Variants in SGCZ observed in about 807,000 individuals in gnomAD.
SGCZ encodes the protein sarcoglycan zeta.
SGCZ carries 40 observed loss-of-function variants against 41.3 expected under a neutral mutation model. That is an observed-to-expected ratio of 0.97 (90% confidence interval 0.75 to 1.26). The LOEUF is 1.26. Among genes scored for constraint, SGCZ ranks in the 50% most tolerant of loss-of-function variants. SGCZ has a pLI of 0.00. For synonymous variants in SGCZ, 206 were observed against 137.5 expected (o/e 1.50, Z -3.49); for missense variants, 552 against 369.8 (o/e 1.49, Z -4.04).
intron 1 of SGCZ, among the ~76,000 whole-genome samples, chr8:15,199,361 G>A (rs1224977787): frequency 2.6e-5 from 4 of 152,192 alleles, no homozygotes; most frequent in Admixed American, 2.6e-4. Context: ...AACCATTAAA[G>A]TAATTTAATC....
intron 2 of SGCZ, among the ~76,000 whole-genome samples, chr8:14,463,505 G>T (rs1323310986): frequency 6.7e-6 from 1 of 148,756 alleles, no homozygotes; most frequent in Non-Finnish European, 1.5e-5. Flanking sequence ...ATTAATCAAA[G>T]ACCCAAATAT....
intron 1 of SGCZ, among the ~76,000 whole-genome samples, chr8:15,154,540 A>G (rs570901016): frequency 2.0e-5 from 3 of 152,358 alleles, no homozygotes; most frequent in South Asian, 4.1e-4. Context: ...TGTTGAGCAA[A>G]TAATAGTCTA....
At chr8:14,646,056 T>C (rs1188532336) in intron 1 of SGCZ, among the ~76,000 whole-genome samples, 1 of 151,928 alleles carries the variant, frequency 6.6e-6, no homozygotes, top group African/African-American at 2.4e-5. Flanking sequence ...ATTTTTATTT[T>C]TGAATTTTAA....
intron 1 of SGCZ, among the ~76,000 whole-genome samples, chr8:14,821,092 TAAAAG>T (rs1271703173): frequency 2.0e-5 from 3 of 151,324 alleles, no homozygotes; most frequent in African/African-American, 7.3e-5. Flanking sequence ...ACAACAAAAA[TAAAAG>T]AAAACTCAAA....
At chr8:14,371,426 T>C (rs546900048) in intron 2 of SGCZ, among the ~76,000 whole-genome samples, 3 of 152,206 alleles carry the variant, frequency 2.0e-5, no homozygotes, top group Admixed American at 1.3e-4. Flanking sequence ...ACAATGACTT[T>C]AAATCTGTTT....
intron 4 of SGCZ, among the ~76,000 whole-genome samples, chr8:14,195,923 T>C (rs891407059): frequency 2.6e-5 from 4 of 152,116 alleles, no homozygotes; most frequent in African/African-American, 7.2e-5. Context: ...TCAGGGAGAA[T>C]GCAAATGACA....
At chr8:15,014,860 A>T (rs2130932234) in intron 1 of SGCZ, among the ~76,000 whole-genome samples, 1 of 152,316 alleles carries the variant, frequency 6.6e-6, no homozygotes, top group Admixed American at 6.5e-5. Flanking sequence ...ACTGCTGCAG[A>T]TCTACTCTCT....
At chr8:15,037,956 T>C (rs1325248246) in intron 1 of SGCZ, among the ~76,000 whole-genome samples, 1 of 151,904 alleles carries the variant, frequency 6.6e-6, no homozygotes, top group African/African-American at 2.4e-5. Flanking sequence ...ATGAAAGAAA[T>C]TAGAAACACA....
intron 1 of SGCZ, among the ~76,000 whole-genome samples, chr8:15,023,469 T>C (rs1287837585): frequency 2.0e-5 from 3 of 152,160 alleles, no homozygotes; most frequent in African/African-American, 7.2e-5. Context: ...AATGGACCAT[T>C]AATGGACACA....
intron 1 of SGCZ, among the ~76,000 whole-genome samples, chr8:14,703,089 A>G (rs1206840846): frequency 6.6e-6 from 1 of 151,978 alleles, no homozygotes; most frequent in Non-Finnish European, 1.5e-5. Context: ...CCAATAGTAC[A>G]TTGTAAGAGC....
At chr8:15,011,040 T>C (rs1040120819) in intron 1 of SGCZ, among the ~76,000 whole-genome samples, 4 of 141,660 alleles carry the variant, frequency 2.8e-5, no homozygotes, top group Admixed American at 2.0e-4. Context: ...AGATTATCAG[T>C]TTTTGCAATT....
At chr8:14,847,003 C>T (rs555610534) in intron 1 of SGCZ, among the ~76,000 whole-genome samples, 46 of 151,830 alleles carry the variant, frequency 3.0e-4, no homozygotes, top group Admixed American at 1.7e-3. Context: ...ACCTGGGAGG[C>T]GGAGATTGCA....
At chr8:14,700,634 TTTTAA>T (rs1809105438) in intron 1 of SGCZ, among the ~76,000 whole-genome samples, 1 of 152,014 alleles carries the variant, frequency 6.6e-6, no homozygotes, top group Admixed American at 6.6e-5. Context: ...AAAATCAACC[TTTTAA>T]TTTAATACTA....
rs1305208186 is a variant in SGCZ at position 15,076,745 on chromosome 8, G to GTC, written c.39+160838_39+160839dup. On this transcript the variant is annotated intron_variant, in intron 1 of 7. Transcript: ENST00000382080. ...GAGTACACTCAAGGAACTTAAATAA[G>GTC]TCTCTCTCATTTTTTTTTTTTTTTT... 1.1e-4 allele frequency among the ~76,000 whole-genome samples: 16 copies of GTC among 141,434 alleles called. No individual in the cohort carries two copies. The South Asian group carries it at 2.0e-3, about 18-fold the overall frequency. 92.8% of individuals were successfully genotyped at this position (141,434 alleles called of 152,430 possible).
At chr8:14,912,340 T>C (rs147403221) in intron 1 of SGCZ, among the ~76,000 whole-genome samples, 2 of 152,004 alleles carry the variant, frequency 1.3e-5, no homozygotes, top group Non-Finnish European at 2.9e-5. Flanking sequence ...ATCTCCAATA[T>C]GGAAAGACTT....
At chr8:14,983,303 T>A (rs1485747338) in intron 1 of SGCZ, among the ~76,000 whole-genome samples, 1 of 151,766 alleles carries the variant, frequency 6.6e-6, no homozygotes, top group African/African-American at 2.4e-5. Flanking sequence ...GCTTAAGGGA[T>A]CTTCCTGCCT....
At position 14,691,707 on chromosome 8, in the gene SGCZ, A is replaced by G. The variant is rs143908310; in HGVS notation, c.40-136781T>C. Among the ~76,000 whole-genome samples, 902 of 152,198 alleles carry G rather than the reference A, an allele frequency of 5.9e-3. 13 individuals carry two copies. Among genetic ancestry groups the G allele is most frequent in the African/African-American group, 0.021 (859 of 41,564 alleles). Reference sequence around the variant, plus strand: ...TAAGAATATGAGTTATGTTAGTCAGATTTAAACATCGTTCTTCATAATCAT... The same window carrying G: ...TAAGAATATGAGTTATGTTAGTCAGGTTTAAACATCGTTCTTCATAATCAT... On this transcript the variant is annotated intron_variant, in intron 1 of 7. Coordinates refer to ENST00000382080, the MANE Select transcript of SGCZ (RefSeq NM_139167.4).
intron 1 of SGCZ, among the ~76,000 whole-genome samples, chr8:14,771,703 T>C (rs1207218450): frequency 3.3e-5 from 5 of 152,116 alleles, no homozygotes; most frequent in Non-Finnish European, 7.4e-5. Context: ...AGCAGTGGAA[T>C]GTTCTCTTCA....
chr8:14,669,389 A>AAGTAAGTAAGTAAGTAAGTAAGTAAG (rs1563191230), intron 1 of SGCZ, among the ~76,000 whole-genome samples: 16 of 24,086 alleles, frequency 6.6e-4, no homozygotes, highest in East Asian at 2.5e-3. Context: ...AAGTAAGTAA[A>AAGTAAGTAAGTAAGTAAGTAAGTAAG]TAAATAAATA....
Sources: allele counts gnomAD v4.1 joint callset (sites outside exome capture counted in the v4.1 genomes callset), GRCh38; gene constraint gnomAD v4.1.1; transcripts MANE v1.5; gene names NCBI Gene and HGNC (gene_info 2026-07-23, HGNC 2026-07-21).